Variants in CD274 observed in about 807,000 individuals in gnomAD.
CD274 encodes the protein CD274 molecule, also known as programmed cell death 1 ligand 1.
In CD274, 8 loss-of-function variants were observed where a neutral mutation model predicts 30.1. That is an observed-to-expected ratio of 0.27 (90% confidence interval 0.16 to 0.48). CD274 has a LOEUF of 0.48. Among genes scored for constraint, CD274 ranks in the 20% least tolerant of loss-of-function variants. The pLI, the probability that CD274 is intolerant of heterozygous loss-of-function variation, is 0.99. For synonymous variants in CD274, 152 were observed against 124.6 expected (o/e 1.22, Z -1.46); for missense variants, 353 against 346.6 (o/e 1.02, Z -0.15).
intron 6 of CD274, 58 bp downstream of exon 6, chr9:5,466,887 A>T: frequency 7.8e-7 from 1 of 1,280,648 alleles, no homozygotes; most frequent in Non-Finnish European, 1.1e-6. Context: ...AAGCTAAAGC[A>T]ATAACAAAGA....
rs761351112 is a variant in CD274, at chr9:5,465,479, C to T, written c.683-20C>T. The T allele has an allele frequency of 2.0e-5, 29 of 1,430,594 alleles. No individual in the cohort carries two copies. Among genetic ancestry groups the T allele is most frequent in the African/African-American group, 5.6e-5 (4 of 71,142 alleles). 88.6% of individuals were successfully genotyped at this position (1,430,594 alleles called of 1,614,324 possible). A position where few individuals can be genotyped will look rare whatever the true frequency, so the allele number is the denominator to read the frequency against. ...ATTTTATCTTTAGTCAGTTTGTTTTCGTTTTGTTTTGTTTTTCAGAACTAC... is the reference window on the plus strand; with the variant it reads ...ATTTTATCTTTAGTCAGTTTGTTTTTGTTTTGTTTTGTTTTTCAGAACTAC... On this transcript the variant is annotated intron_variant, in intron 4 of 6. Transcript: ENST00000381577.
At chr9:5,466,345 G>C (rs1819497779) in intron 5 of CD274, among the ~76,000 whole-genome samples, 1 of 152,168 alleles carries the variant, frequency 6.6e-6, no homozygotes, top group East Asian at 1.9e-4. Flanking sequence ...TTCTTAACAG[G>C]ACTGAGATAG....
chr9:5,451,152 C>T (rs909369638), intron 1 of CD274, among the ~76,000 whole-genome samples: 2 of 152,188 alleles, frequency 1.3e-5, no homozygotes, highest in Non-Finnish European at 2.9e-5. Context: ...TTCTTAGACA[C>T]ATTGACCTTG....
chr9:5,457,632 A>G (rs1205389187), intron 3 of CD274, among the ~76,000 whole-genome samples: 1 of 152,248 alleles, frequency 6.6e-6, no homozygotes, highest in Admixed American at 6.5e-5. Context: ...CAAACAACAC[A>G]GAGCCATGTT....
intron 3 of CD274, among the ~76,000 whole-genome samples, chr9:5,458,420 G>C (rs754858634): frequency 3.3e-5 from 5 of 152,190 alleles, no homozygotes; most frequent in Non-Finnish European, 7.3e-5. Flanking sequence ...CTAATAGTAA[G>C]CTGAAATCTG....
Position 5,470,004 on chromosome 9 carries a change from C to T in CD274, c.*2142C>T, listed in dbSNP as rs1819563386. The stretch of plus-strand genomic sequence containing the variant: ...TGCCAGAAAAGCCTCATTCGTTGTG[C>T]TTGAACCCTTGAATGCCACCAGCTG... On this transcript the variant is annotated 3_prime_UTR_variant, in exon 7 of 7. Coordinates refer to ENST00000381577, the MANE Select transcript of CD274 (RefSeq NM_014143.4). 2 of 233,004 alleles carry T rather than the reference C, an allele frequency of 8.6e-6. No homozygotes were observed. Among genetic ancestry groups the T allele is most frequent in the Non-Finnish European group, 1.7e-5 (2 of 117,938 alleles). The allele number at this position is 233,004 out of a possible 1,614,324, so 14.4% of individuals were successfully genotyped here.
intron 4 of CD274, among the ~76,000 whole-genome samples, chr9:5,464,977 C>T (rs1451744695): frequency 1.3e-5 from 2 of 151,686 alleles, no homozygotes; most frequent in East Asian, 3.9e-4. Flanking sequence ...ATCCCAGCTA[C>T]TCGGGAGACT....
intron 2 of CD274, among the ~76,000 whole-genome samples, chr9:5,456,843 G>A (rs937281427): frequency 6.6e-6 from 1 of 152,114 alleles, no homozygotes; most frequent in Non-Finnish European, 1.5e-5. Flanking sequence ...ATAAATTGTG[G>A]GGGCAACTTG....
In CD274 at chr9:5,469,905, T is replaced by G. The variant is rs996704446; in HGVS notation, c.*2043T>G. On this transcript the variant is annotated 3_prime_UTR_variant, in exon 7 of 7. Coordinates refer to ENST00000381577, the MANE Select transcript of CD274 (RefSeq NM_014143.4). ...CTTTCTGTCAAGTATAAACTTCACT[T>G]TGATGCTGTACTTGCAAAATCACAT... 1 of 233,072 alleles carries G rather than the reference T, an allele frequency of 4.3e-6. No homozygotes were observed. The highest frequency in any genetic ancestry group is 2.2e-5 in the African/African-American group (1 of 45,348). 14.4% of individuals were successfully genotyped at this position (233,072 alleles called of 1,614,324 possible).
chr9:5,459,865 C>G (rs1444970656), intron 3 of CD274, among the ~76,000 whole-genome samples: 1 of 151,974 alleles, frequency 6.6e-6, no homozygotes, highest in Non-Finnish European at 1.5e-5. Context: ...TCATATGGAC[C>G]AAATCGACTG....
chr9:5,464,973 G>C (rs1343376775), intron 4 of CD274, among the ~76,000 whole-genome samples: 1 of 151,854 alleles, frequency 6.6e-6, no homozygotes. Context: ...TGTAATCCCA[G>C]CTACTCGGGA....
chr9:5,458,095 G>A (rs10481593), intron 3 of CD274, among the ~76,000 whole-genome samples: 33,868 of 152,080 alleles, frequency 0.22, 4,120 homozygotes, highest in East Asian at 0.49. Flanking sequence ...GTTGTCTTGG[G>A]GAATTGAAAA....
rs1819530579 is a variant in CD274, at chr9:5,468,302, T to C, written c.*440T>C. ...TCTCAGTGTTGGAACGGGACAGTAT[T>C]TATGTATGAGTTTTTCCTATTTATT... is the stretch of plus-strand genomic sequence containing the variant. On this transcript the variant is annotated 3_prime_UTR_variant, in exon 7 of 7. Transcript: ENST00000381577. 1 of 245,438 alleles carries C rather than the reference T, an allele frequency of 4.1e-6. No individual in the cohort carries two copies. The highest frequency in any genetic ancestry group is 5.9e-5 in the East Asian group (1 of 16,916). The allele number at this position is 245,438 out of a possible 1,614,324, so 15.2% of individuals were successfully genotyped here.
At chr9:5,464,350 T>C (rs1819460612) in intron 4 of CD274, among the ~76,000 whole-genome samples, 1 of 152,140 alleles carries the variant, frequency 6.6e-6, no homozygotes, top group Non-Finnish European at 1.5e-5. Flanking sequence ...GCCTAACTCA[T>C]AAAGTTGTTC....
At chr9:5,453,023 A>T (rs1819235075) in intron 1 of CD274, among the ~76,000 whole-genome samples, 1 of 151,686 alleles carries the variant, frequency 6.6e-6, no homozygotes, top group Non-Finnish European at 1.5e-5. Flanking sequence ...TAATATTTAT[A>T]TTTTATAAGT....
intron 1 of CD274, among the ~76,000 whole-genome samples, chr9:5,450,982 T>C (rs891554847): frequency 4.6e-5 from 7 of 152,184 alleles, no homozygotes; most frequent in African/African-American, 1.7e-4. Flanking sequence ...ATGACTTGTG[T>C]AAGTTATCCC....
chr9:5,457,056 A>G, intron 2 of CD274, 23 bp from the exon 3 acceptor site: 1 of 1,534,294 alleles, frequency 6.5e-7, no homozygotes, highest in Non-Finnish European at 8.9e-7. Flanking sequence ...CCTTTTCTGA[A>G]GATTGTCCTT....
At position 5,457,337 on chromosome 9, in the gene CD274, T is replaced by G. The variant is rs2131212570; in HGVS notation, c.311T>G (p.Val104Gly). ...AATGCTGCACTTCAGATCACAGATG[T>G]GAAATTGCAGGATGCAGGGGTGTAC... ...LGNAALQITD[V>G]KLQDAGVYRC... The change falls in exon 3 of 7, where the codon GTG becomes GGG. Residue 104 changes from valine (V) to glycine (G), a missense_variant. Val to Gly is a moderately radical substitution (Grantham distance 109). Transcript: ENST00000381577. 1 of 1,614,116 alleles carries G rather than the reference T, an allele frequency of 6.2e-7. No individual in the cohort carries two copies. Among genetic ancestry groups the G allele is most frequent in the Non-Finnish European group, 8.5e-7 (1 of 1,180,006 alleles).
chr9:5,456,980 A>G (rs764506373), intron 2 of CD274, 99 bp from the exon 3 acceptor site: 239 of 768,998 alleles, frequency 3.1e-4, no homozygotes, highest in Non-Finnish European at 2.2e-4. Flanking sequence ...TAATGATAAC[A>G]TAACCGACCA....
Sources: allele counts gnomAD v4.1 joint callset (sites outside exome capture counted in the v4.1 genomes callset), GRCh38; gene constraint gnomAD v4.1.1; transcripts MANE v1.5; gene names NCBI Gene and HGNC (gene_info 2026-07-23, HGNC 2026-07-21).